CBR4: variants seen among roughly 807,000 people sequenced by gnomAD.
CBR4 encodes 3-oxoacyl-[acyl-carrier-protein] reductase.
In CBR4, 22 loss-of-function variants were observed where a neutral mutation model predicts 21.0. The observed-to-expected ratio is 1.05, with a 90% confidence interval of 0.75 to 1.50. CBR4 has a LOEUF of 1.50. Among genes scored for constraint, CBR4 ranks in the 40% most tolerant of loss-of-function variants. CBR4 has a pLI of 0.00. For missense variants in CBR4, 302 were observed against 286.3 expected, an observed-to-expected ratio of 1.05 and a Z score of -0.40; for synonymous variants, 100 against 104.4, an observed-to-expected ratio of 0.96 and a Z score of 0.26.
intron 2 of CBR4, among the ~76,000 whole-genome samples, chr4:168,934,282 CAAAAAAAAAAA>C (rs60538970): frequency 2.7e-4 from 5 of 18,202 alleles, no homozygotes; most frequent in African/African-American, 9.4e-4. Context: ...GCAAAAAAAA[CAAAAAAAAAAA>C]AAAAAAAAAA....
Position 168,903,822 on chromosome 4 carries a change from T to A in CBR4, n.170-9057A>T, listed in dbSNP as rs1757059156. 1.2e-6 allele frequency: 2 copies of A among 1,612,768 alleles called. No homozygotes were observed. Among genetic ancestry groups the A allele is most frequent in the Non-Finnish European group, 1.7e-6 (2 of 1,178,828 alleles). ...GTGATCACTACACCATTCAAAGAGA[T>A]CTCGATGGGACCTGCTCCCTCCATA... On this transcript the variant is annotated intron_variant and non_coding_transcript_variant, in intron 2 of 3. Transcript: ENST00000509108.
chr4:168,927,052 T>G (rs1447859601), intron 2 of CBR4: 1 of 220,018 alleles, frequency 4.5e-6, no homozygotes, highest in Non-Finnish European at 9.1e-6. Context: ...AGGAAACTTA[T>G]TTACAAACCA....
At chr4:168,930,436 C>CA (rs1182340858) in intron 2 of CBR4, among the ~76,000 whole-genome samples, 1 of 152,176 alleles carries the variant, frequency 6.6e-6, no homozygotes, top group African/African-American at 2.4e-5. Context: ...ACTTACTATT[C>CA]AGAGTTAAAG....
intron 1 of CBR4, chr4:169,009,178 G>C (rs1424669188): frequency 2.5e-6 from 1 of 400,914 alleles, no homozygotes; most frequent in African/African-American, 2.1e-5. Flanking sequence ...TGTCCATTCT[G>C]GTGATTAAAC....
At chr4:168,898,510 C>G in intron 2 of CBR4, 1 of 1,611,234 alleles carries the variant, frequency 6.2e-7, no homozygotes, top group Non-Finnish European at 8.5e-7. Flanking sequence ...AAGTCTCCAG[C>G]TGTGAACAGA....
At chr4:168,972,140 T>C (rs762571334) in intron 2 of CBR4, among the ~76,000 whole-genome samples, 10 of 152,342 alleles carry the variant, frequency 6.6e-5, no homozygotes, top group East Asian at 1.9e-4. Flanking sequence ...TTCTGTTCCA[T>C]TGGTCTATAT....
rs142060339 is a variant in CBR4 at position 168,957,541 on chromosome 4, C to T, written n.169+44530G>A. ...TATCTGAATTGTGAAAACATATACACCCACGAAACTGCTACCAGAATCAAG... is the reference window on the plus strand; with the variant it reads ...TATCTGAATTGTGAAAACATATACATCCACGAAACTGCTACCAGAATCAAG... On this transcript the variant is annotated intron_variant and non_coding_transcript_variant, in intron 2 of 3. Transcript: ENST00000509108. 6.9e-3 allele frequency among the ~76,000 whole-genome samples: 1,046 copies of T among 152,250 alleles called. 13 individuals are homozygous for T. Among genetic ancestry groups the T allele is most frequent in the African/African-American group, 0.024 (986 of 41,528 alleles).
At position 168,993,864 on chromosome 4, in the gene CBR4, C is replaced by G. The variant is rs769351545; in HGVS notation, c.536-3536G>C. Among the ~76,000 whole-genome samples, 27 of 152,128 alleles carry G rather than the reference C, an allele frequency of 1.8e-4. 1 individual carries two copies. The highest frequency in any genetic ancestry group is 3.2e-4 in the Non-Finnish European group (22 of 68,010). On this transcript the variant is annotated intron_variant, in intron 4 of 4. Transcript: ENST00000306193. The stretch of plus-strand genomic sequence containing the variant: ...TGACTCTGCTGGCCTGGCCTTTTCT[C>G]AAAGGCAGTATTTTGTGGTTAAAAA...
intron 1 of CBR4, 136 bp downstream of exon 1, chr4:169,009,812 G>A (rs1458290): frequency 0.11 from 86,998 of 774,644 alleles, 5,340 homozygotes; most frequent in African/African-American, 0.16. Context: ...CCCTTGGAAC[G>A]GGAGAGCGCC....
chr4:168,937,505 A>G (rs1763145648), intron 2 of CBR4, among the ~76,000 whole-genome samples: 1 of 152,176 alleles, frequency 6.6e-6, no homozygotes, highest in South Asian at 2.1e-4. Flanking sequence ...CAATTAAAAG[A>G]CACAGACTGG....
chr4:168,963,853 C>T (rs1396181644), intron 2 of CBR4, among the ~76,000 whole-genome samples: 2 of 152,078 alleles, frequency 1.3e-5, no homozygotes, highest in African/African-American at 4.8e-5. Flanking sequence ...CAAAAAGCGC[C>T]TATGGGAGTA....
intron 2 of CBR4, among the ~76,000 whole-genome samples, chr4:168,916,423 A>T (rs1760096288): frequency 6.6e-6 from 1 of 152,096 alleles, no homozygotes; most frequent in South Asian, 2.1e-4. Context: ...AAATGAAATG[A>T]TTCTAGCTTA....
chr4:168,979,139 G>A lies in CBR4; in HGVS notation n.169+22932C>T, dbSNP rs116069719. On this transcript the variant is annotated intron_variant and non_coding_transcript_variant, in intron 2 of 3. Coordinates refer to the CBR4 transcript ENST00000509108. The stretch of plus-strand genomic sequence containing the variant: ...TACTCCTCCTTGGGCAGGGCCTTCA[G>A]ACTTGCCCCCAACAAGCCCCCCTCC... 7.6e-3 allele frequency among the ~76,000 whole-genome samples: 1,152 copies of A among 151,502 alleles called. 16 individuals are homozygous for A. Among genetic ancestry groups the A allele is most frequent in the African/African-American group, 0.026 (1,077 of 41,256 alleles).
intron 2 of CBR4, among the ~76,000 whole-genome samples, chr4:168,966,654 C>G (rs1179562738): frequency 6.6e-6 from 1 of 152,170 alleles, no homozygotes; most frequent in Non-Finnish European, 1.5e-5. Flanking sequence ...TGTGGCGACT[C>G]AAGGATCTAG....
At chr4:168,916,401 C>A (rs954876447) in intron 2 of CBR4, among the ~76,000 whole-genome samples, 5 of 152,050 alleles carry the variant, frequency 3.3e-5, no homozygotes, top group African/African-American at 7.2e-5. Flanking sequence ...CAGAGCAAGA[C>A]CCTGTCTCAA....
chr4:168,898,654 G>C lies in CBR4; in HGVS notation n.170-3889C>G, dbSNP rs1221025189. 5.0e-6 allele frequency: 8 copies of C among 1,614,056 alleles called. No homozygotes were observed. Among genetic ancestry groups the C allele is most frequent in the Non-Finnish European group, 6.8e-6 (8 of 1,180,032 alleles). On this transcript the variant is annotated intron_variant and non_coding_transcript_variant, in intron 2 of 3. Transcript: ENST00000509108. Reference sequence around the variant, plus strand: ...TTGAGATGAAGCTGAAACATTACAAGATCTTTGAGGGAATGCCAGTAACTT... The same window carrying C: ...TTGAGATGAAGCTGAAACATTACAACATCTTTGAGGGAATGCCAGTAACTT...
chr4:168,921,492 G>A (rs1481281134), intron 2 of CBR4: 1 of 1,380,972 alleles, frequency 7.2e-7, no homozygotes. Context: ...ATTTCACTCT[G>A]TTTTAATACA....
intron 2 of CBR4, among the ~76,000 whole-genome samples, chr4:168,968,236 AT>A (rs1764102875): frequency 6.6e-6 from 1 of 152,232 alleles, no homozygotes; most frequent in South Asian, 2.1e-4. Flanking sequence ...AAAGTTTATC[AT>A]GTAAATTATG....
At chr4:169,009,448 G>T (rs146270655) in intron 1 of CBR4, among the ~76,000 whole-genome samples, 1 of 152,224 alleles carries the variant, frequency 6.6e-6, no homozygotes, top group Admixed American at 6.5e-5. Flanking sequence ...ACACTGCTTT[G>T]TGCATTCGCG....
Sources: gnomAD v4.1 joint callset for allele counts (sites outside exome capture counted in the v4.1 genomes callset) on GRCh38, gnomAD v4.1.1 for gene constraint, MANE v1.5 for transcripts, NCBI Gene and HGNC (gene_info 2026-07-23, HGNC 2026-07-21) for gene names.